The following TAFA1 variants were observed in gnomAD, a reference collection of about 807,000 sequenced individuals.
TAFA1 encodes chemokine-like protein TAFA-1.
A neutral mutation model predicts 18.5 loss-of-function variants in TAFA1; 4 were observed. The ratio of observed to expected loss-of-function variants is 0.22; its 90% CI spans 0.11 to 0.49. The LOEUF is 0.49. Ranked by LOEUF, TAFA1 falls within the 20% of genes least tolerant of loss-of-function variation. The pLI is 0.98. For missense variants in TAFA1, 147 were observed against 169.0 expected, an observed-to-expected ratio of 0.87 and a Z score of 0.72; for synonymous variants, 56 against 55.2, an observed-to-expected ratio of 1.01 and a Z score of -0.06.
At chr3:68,134,579 C>G (rs2065584625) in intron 2 of TAFA1, among the ~76,000 whole-genome samples, 1 of 152,080 alleles carries the variant, frequency 6.6e-6, no homozygotes, top group Non-Finnish European at 1.5e-5. Flanking sequence ...GATACATTTT[C>G]TTATAGTTAG....
chr3:68,527,923 C>T (rs183243202), intron 3 of TAFA1, among the ~76,000 whole-genome samples: 2 of 152,106 alleles, frequency 1.3e-5, no homozygotes, highest in Non-Finnish European at 2.9e-5. Context: ...ATTGTCTGTT[C>T]GAAAAGCACT....
chr3:68,440,449 A>G (rs987350610), intron 3 of TAFA1, among the ~76,000 whole-genome samples: 1 of 152,216 alleles, frequency 6.6e-6, no homozygotes, highest in Non-Finnish European at 1.5e-5. Context: ...TTTTTATAGC[A>G]CAAGTGTATA....
Position 68,519,829 on chromosome 3 carries a change from A to G in TAFA1, c.260-18927A>G, listed in dbSNP as rs529816434. Among the ~76,000 whole-genome samples the G allele has an allele frequency of 9.2e-5, 14 of 152,282 alleles. No individual in the cohort carries two copies. The East Asian group carries it at 2.1e-3, about 23-fold the overall frequency. On this transcript the variant is annotated intron_variant, in intron 3 of 4. Coordinates refer to ENST00000478136, the MANE Select transcript of TAFA1 (RefSeq NM_213609.4). ...GACCGAATTACCTCCCAAACACCCT[A>G]TCTCCTAACACCATCATGTTGCAGG...
At chr3:68,055,564 A>G (rs2064525941) in intron 2 of TAFA1, among the ~76,000 whole-genome samples, 1 of 152,014 alleles carries the variant, frequency 6.6e-6, no homozygotes, top group African/African-American at 2.4e-5. Flanking sequence ...CCATATTAGA[A>G]CGTGGGGACA....
At chr3:68,107,389 G>A (rs928672810) in intron 2 of TAFA1, among the ~76,000 whole-genome samples, 39 of 152,090 alleles carry the variant, frequency 2.6e-4, no homozygotes, top group African/African-American at 9.4e-4. Context: ...CAATGGAAAT[G>A]TTTATTAACT....
At chr3:68,023,929 C>A (rs1704755536) in intron 2 of TAFA1, among the ~76,000 whole-genome samples, 1 of 152,090 alleles carries the variant, frequency 6.6e-6, no homozygotes, top group Non-Finnish European at 1.5e-5. Flanking sequence ...ACCTAAGGGT[C>A]TTGCTTGCTT....
chr3:68,301,279 G>C (rs1027521605), intron 2 of TAFA1, among the ~76,000 whole-genome samples: 1 of 151,972 alleles, frequency 6.6e-6, no homozygotes, highest in Non-Finnish European at 1.5e-5. Context: ...TTATGTAAAA[G>C]TTATCTCACT....
At chr3:68,064,836 C>T (rs2064653867) in intron 2 of TAFA1, among the ~76,000 whole-genome samples, 1 of 151,918 alleles carries the variant, frequency 6.6e-6, no homozygotes, top group African/African-American at 2.4e-5. Context: ...AAGATGCAAG[C>T]TCTAGGAATC....
chr3:68,289,562 T>TCTGA (rs113592311), intron 2 of TAFA1, among the ~76,000 whole-genome samples: 39,354 of 136,634 alleles, frequency 0.29, 6,592 homozygotes, highest in East Asian at 0.85. Context: ...GACCTTCTTC[T>TCTGA]CTGCTTTGTG....
intron 2 of TAFA1, among the ~76,000 whole-genome samples, chr3:68,062,534 AG>A (rs1350843451): frequency 6.6e-6 from 1 of 152,242 alleles, no homozygotes; most frequent in Non-Finnish European, 1.5e-5. Flanking sequence ...TGAAACAAAA[AG>A]CAGGTTCTTG....
chr3:68,466,777 G>C (rs1559681379), intron 3 of TAFA1, among the ~76,000 whole-genome samples: 1 of 152,154 alleles, frequency 6.6e-6, no homozygotes, highest in African/African-American at 2.4e-5. Context: ...AACCACCCCT[G>C]ATATTTCAAC....
intron 2 of TAFA1, among the ~76,000 whole-genome samples, chr3:68,151,339 AT>A (rs1201441408): frequency 2.0e-5 from 3 of 152,206 alleles, no homozygotes; most frequent in African/African-American, 7.2e-5. Context: ...TTTAGGCAAG[AT>A]TATAAAGTAA....
At chr3:68,282,382 T>C (rs890335998) in intron 2 of TAFA1, among the ~76,000 whole-genome samples, 3 of 151,778 alleles carry the variant, frequency 2.0e-5, no homozygotes, top group African/African-American at 4.8e-5. Context: ...GCATAATCCT[T>C]CCAATGACTT....
chr3:68,306,124 G>A (rs1332161396), intron 2 of TAFA1, among the ~76,000 whole-genome samples: 1 of 152,200 alleles, frequency 6.6e-6, no homozygotes, highest in African/African-American at 2.4e-5. Context: ...ATACAAACAA[G>A]GGAGCTTCAG....
chr3:68,122,571 T>G (rs2065413832), intron 2 of TAFA1, among the ~76,000 whole-genome samples: 1 of 152,132 alleles, frequency 6.6e-6, no homozygotes, highest in Admixed American at 6.6e-5. Flanking sequence ...GAAAATGAGT[T>G]AAATATGAAT....
At chr3:68,462,894 T>A (rs908217257) in intron 3 of TAFA1, among the ~76,000 whole-genome samples, 1 of 152,218 alleles carries the variant, frequency 6.6e-6, no homozygotes, top group Non-Finnish European at 1.5e-5. Context: ...GCTTCCTTTT[T>A]GTTGTGAGTG....
At chr3:68,235,243 A>G (rs1412026640) in intron 2 of TAFA1, among the ~76,000 whole-genome samples, 1 of 152,192 alleles carries the variant, frequency 6.6e-6, no homozygotes, top group East Asian at 1.9e-4. Flanking sequence ...TGAGTTAAAC[A>G]TCTCCACTCA....
chr3:68,287,834 G>A (rs1216101552), intron 2 of TAFA1, among the ~76,000 whole-genome samples: 2 of 138,974 alleles, frequency 1.4e-5, no homozygotes, highest in African/African-American at 5.2e-5. Context: ...TATTTGCCTG[G>A]ATTGAAGAAC....
chr3:68,251,934 A>G (rs2067204330), intron 2 of TAFA1, among the ~76,000 whole-genome samples: 1 of 152,218 alleles, frequency 6.6e-6, no homozygotes, highest in Non-Finnish European at 1.5e-5. Flanking sequence ...ATATGTGGGA[A>G]GCCCCATCAT....
Sources: allele counts gnomAD v4.1 joint callset (sites outside exome capture counted in the v4.1 genomes callset), GRCh38; gene constraint gnomAD v4.1.1; transcripts MANE v1.5; gene names NCBI Gene and HGNC (gene_info 2026-07-23, HGNC 2026-07-21).